The following PLEKHA8 variants were observed in gnomAD, a reference collection of about 807,000 sequenced individuals.
PLEKHA8 encodes the protein pleckstrin homology domain containing A8.
PLEKHA8 carries 36 observed loss-of-function variants against 68.2 expected under a neutral mutation model. The observed-to-expected ratio is 0.53, with a 90% CI of 0.40 to 0.70. The LOEUF is 0.70. Among genes scored for constraint, PLEKHA8 ranks in the 30% least tolerant of loss-of-function variants. The pLI is 0.00. For missense variants in PLEKHA8, 505 were observed against 615.4 expected (o/e 0.82, Z 1.90); for synonymous variants, 211 against 216.1 (o/e 0.98, Z 0.20).
At chr7:30,115,977 C>T (rs1248639498) in intron 13 of PLEKHA8, 2 of 136,598 alleles carry the variant, frequency 1.5e-5, no homozygotes, top group South Asian at 2.2e-4. Context: ...CATGTGCATG[C>T]ATGCATGTAT....
At chr7:30,116,027 T>G (rs180702145) in intron 13 of PLEKHA8, 2 of 149,458 alleles carry the variant, frequency 1.3e-5, no homozygotes, top group Admixed American at 6.6e-5. Context: ...TACATACGTA[T>G]ACATACATGT....
At chr7:30,129,227 CT>C in intron 13 of PLEKHA8, 2 of 1,612,706 alleles carry the variant, frequency 1.2e-6, no homozygotes, top group Non-Finnish European at 1.7e-6. Flanking sequence ...GACAGTTGGC[CT>C]GTGTTCCTCT....
intron 13 of PLEKHA8, among the ~76,000 whole-genome samples, chr7:30,099,231 C>T (rs1795755696): frequency 6.6e-6 from 1 of 152,130 alleles, no homozygotes; most frequent in Non-Finnish European, 1.5e-5. Context: ...GTCTCCACAC[C>T]AAGCAAGAAA....
chr7:30,042,094 G>T (rs1248343707), intron 1 of PLEKHA8, among the ~76,000 whole-genome samples: 2 of 152,194 alleles, frequency 1.3e-5, no homozygotes, highest in Non-Finnish European at 2.9e-5. Context: ...AGAACAAAAA[G>T]ACTGAGTAAC....
Position 30,098,523 on chromosome 7 carries a change from C to T in PLEKHA8, c.1362+24391C>T, listed in dbSNP as rs373610711. On this transcript the variant is annotated intron_variant, in intron 13 of 13. Transcript: ENST00000396257. ...TGTTTACCTAATCAAACAACTAACT[C>T]GGCAATGGCAGGTGCCCGTCCCCCA... is the stretch of plus-strand genomic sequence containing the variant. Among the ~76,000 whole-genome samples the T allele has an allele frequency of 4.2e-3, 642 of 152,338 alleles. 7 individuals are homozygous for T. The East Asian group carries it at 0.045, about 11-fold the overall frequency.
chr7:30,077,009 C>T (rs181480882), intron 13 of PLEKHA8, among the ~76,000 whole-genome samples: 1 of 152,280 alleles, frequency 6.6e-6, no homozygotes, highest in African/African-American at 2.4e-5. Flanking sequence ...AACTAGCCTT[C>T]ATTTGACCTT....
intron 1 of PLEKHA8, among the ~76,000 whole-genome samples, chr7:30,039,922 A>G (rs1791404429): frequency 6.6e-6 from 1 of 152,220 alleles, no homozygotes; most frequent in Admixed American, 6.5e-5. Flanking sequence ...AATGTTGACT[A>G]GAAGTGGTAA....
intron 12 of PLEKHA8, among the ~76,000 whole-genome samples, chr7:30,067,224 C>T (rs1406733166): frequency 6.6e-6 from 1 of 152,212 alleles, no homozygotes; most frequent in Non-Finnish European, 1.5e-5. Context: ...TGCCAAAGCG[C>T]TTTGGGAGGC....
Position 30,028,921 on chromosome 7 carries a change from C to T in PLEKHA8, c.40+119C>T, listed in dbSNP as rs1045491609. ...TCACGGCCCTTTCCTGAGGCCAGCG[C>T]GGAGCGGGAGTATTTCCCAAAGCAG... On this transcript the variant is annotated intron_variant, in intron 1 of 13. Transcript: ENST00000449726. 49 of 1,101,318 alleles carry T rather than the reference C, an allele frequency of 4.4e-5. 1 individual carries two copies. The highest frequency in any genetic ancestry group is 4.6e-5 in the Non-Finnish European group (40 of 866,680). 68.2% of individuals were successfully genotyped at this position (1,101,318 alleles called of 1,614,324 possible). A position where few individuals can be genotyped will look rare whatever the true frequency, so the allele number is the denominator to read the frequency against.
intron 1 of PLEKHA8, among the ~76,000 whole-genome samples, chr7:30,036,273 A>T (rs1791067183): frequency 1.3e-5 from 2 of 151,962 alleles, no homozygotes; most frequent in Admixed American, 6.6e-5. Context: ...CTCTGTTGCA[A>T]ATAAATAAAT....
chr7:30,028,569 C>T lies in PLEKHA8; in HGVS notation c.-194C>T, dbSNP rs1246161208. 2.3e-5 allele frequency: 9 copies of T among 391,194 alleles called. No individual in the cohort carries two copies. Among genetic ancestry groups the T allele is most frequent in the African/African-American group, 1.7e-4 (8 of 47,974 alleles). 24.2% of individuals were successfully genotyped at this position (391,194 alleles called of 1,614,324 possible). On this transcript the variant is annotated 5_prime_UTR_variant, in exon 1 of 14. Transcript: ENST00000449726. ...TCACCGGCTGGCTGGGCTTCAAGCG[C>T]CGAGGCCGCCGCAGTGACCCCGCCC...
intron 13 of PLEKHA8, among the ~76,000 whole-genome samples, chr7:30,124,512 C>T (rs1796741948): frequency 1.3e-5 from 2 of 152,070 alleles, no homozygotes; most frequent in Non-Finnish European, 2.9e-5. Context: ...AAAGGAGCTC[C>T]ATAATCTGTT....
Position 30,083,826 on chromosome 7 carries a change from T to G in PLEKHA8, c.*5039T>G. ...GTGGTCAGTATTTCCTCCCTGTACC[T>G]TACAAACAGAAACCACCCTGGGATG... On this transcript the variant is annotated 3_prime_UTR_variant, in exon 14 of 14. Coordinates refer to ENST00000449726, the MANE Select transcript of PLEKHA8 (RefSeq NM_001197026.2). 1 of 985,394 alleles carries G rather than the reference T, an allele frequency of 1.0e-6. No homozygotes were observed. Among genetic ancestry groups the G allele is most frequent in the Non-Finnish European group, 1.2e-6 (1 of 829,886 alleles). 61.0% of individuals were successfully genotyped at this position (985,394 alleles called of 1,614,324 possible). A position where few individuals can be genotyped will look rare whatever the true frequency, so the allele number is the denominator to read the frequency against.
chr7:30,116,060 G>A lies in PLEKHA8; in HGVS notation c.1363-13206G>A, dbSNP rs981361374. ...TGTGCGCATACGCATACATACGTAT[G>A]CATACGTATACATGTATACATACGC... On this transcript the variant is annotated intron_variant, in intron 13 of 13. Transcript: ENST00000396257. The A allele has an allele frequency of 3.8e-4, 54 of 141,550 alleles. 5 individuals carry two copies. The highest frequency in any genetic ancestry group is 5.5e-4 in the Admixed American group (8 of 14,526). The allele number at this position is 141,550 out of a possible 1,614,324, so 8.8% of individuals were successfully genotyped here.
At chr7:30,097,257 A>G (rs971883669) in intron 13 of PLEKHA8, among the ~76,000 whole-genome samples, 7 of 152,126 alleles carry the variant, frequency 4.6e-5, no homozygotes, top group Admixed American at 6.5e-5. Context: ...GCTGCCCTTA[A>G]CATTTTTTCC....
intron 13 of PLEKHA8, among the ~76,000 whole-genome samples, chr7:30,112,231 G>A (rs955526565): frequency 3.3e-5 from 5 of 152,066 alleles, no homozygotes; most frequent in African/African-American, 1.2e-4. Flanking sequence ...GAAAAAATGA[G>A]CAAATTCACA....
chr7:30,069,438 A>G (rs1583425981), intron 12 of PLEKHA8, among the ~76,000 whole-genome samples: 1 of 152,362 alleles, frequency 6.6e-6, no homozygotes, highest in Non-Finnish European at 1.5e-5. Context: ...ATAGGTTTAC[A>G]GTAGAAAAAC....
At chr7:30,103,445 G>A (rs1021378411) in intron 13 of PLEKHA8, among the ~76,000 whole-genome samples, 1 of 152,212 alleles carries the variant, frequency 6.6e-6, no homozygotes, top group African/African-American at 2.4e-5. Flanking sequence ...ATCCTAAAAT[G>A]TATGTAGAAA....
At chr7:30,029,165 T>G (rs1182425697) in intron 1 of PLEKHA8, among the ~76,000 whole-genome samples, 1 of 152,210 alleles carries the variant, frequency 6.6e-6, no homozygotes, top group African/African-American at 2.4e-5. Flanking sequence ...GGAACCGTAC[T>G]CCCTTGGCTC....
Sources: allele counts gnomAD v4.1 joint callset (sites outside exome capture counted in the v4.1 genomes callset), GRCh38; gene constraint gnomAD v4.1.1; transcripts MANE v1.5; gene names NCBI Gene and HGNC (gene_info 2026-07-23, HGNC 2026-07-21).